The following ADAMTS16 variants were observed in gnomAD, a reference collection of about 807,000 sequenced individuals.
The protein encoded by ADAMTS16 is A disintegrin and metalloproteinase with thrombospondin motifs 16.
A neutral mutation model predicts 145.8 loss-of-function variants in ADAMTS16; 94 were observed. The ratio of observed to expected loss-of-function variants is 0.64; its 90% confidence interval spans 0.55 to 0.77. The LOEUF is 0.77. Among genes scored for constraint, ADAMTS16 ranks in the 30% least tolerant of loss-of-function variants. The probability of loss-of-function intolerance (pLI) is 0.00; values close to 1 mark genes in which losing one functional copy is unlikely to be tolerated. For synonymous variants in ADAMTS16, 659 were observed against 604.3 expected, an observed-to-expected ratio of 1.09 and a Z score of -1.33; for missense variants, 1,585 against 1,591.5, an observed-to-expected ratio of 1.00 and a Z score of 0.07.
At chr5:5,257,895 C>T (rs141730055) in intron 17 of ADAMTS16, among the ~76,000 whole-genome samples, 4 of 152,192 alleles carry the variant, frequency 2.6e-5, no homozygotes, top group Non-Finnish European at 5.9e-5. Flanking sequence ...GGGGTTCCCA[C>T]AGGCTTTCCC....
chr5:5,168,556 TA>T (rs1344576631), intron 3 of ADAMTS16, among the ~76,000 whole-genome samples: 2 of 137,332 alleles, frequency 1.5e-5, no homozygotes, highest in Non-Finnish European at 3.1e-5. Flanking sequence ...ATTATATTTT[TA>T]TTTTTTTATT....
chr5:5,271,469 C>A (rs1043588044), intron 18 of ADAMTS16, among the ~76,000 whole-genome samples: 1 of 152,280 alleles, frequency 6.6e-6, no homozygotes, highest in East Asian at 1.9e-4. Context: ...AAGCAGCCTA[C>A]GGCCCTCCCG....
chr5:5,206,106 T>A (rs1263236664), intron 9 of ADAMTS16, among the ~76,000 whole-genome samples: 2 of 152,138 alleles, frequency 1.3e-5, no homozygotes, highest in Admixed American at 1.3e-4. Context: ...TATGATCCAT[T>A]GTGAGTTAGT....
chr5:5,298,028 C>A (rs577305923), intron 18 of ADAMTS16, among the ~76,000 whole-genome samples: 4 of 152,144 alleles, frequency 2.6e-5, no homozygotes, highest in African/African-American at 9.7e-5. Flanking sequence ...TCCGTTCCCA[C>A]ATGAAAAACC....
At chr5:5,261,092 G>A (rs970060715) in intron 17 of ADAMTS16, among the ~76,000 whole-genome samples, 1 of 152,158 alleles carries the variant, frequency 6.6e-6, no homozygotes, top group African/African-American at 2.4e-5. Context: ...AATATATTGT[G>A]TGTTAATATT....
intron 5 of ADAMTS16, 43 bp from the exon 6 acceptor site, chr5:5,187,682 A>C: frequency 7.1e-7 from 1 of 1,400,548 alleles, no homozygotes; most frequent in Non-Finnish European, 1.0e-6. Context: ...TAGGGGGGAA[A>C]ATGCCATTTA....
intron 3 of ADAMTS16, among the ~76,000 whole-genome samples, chr5:5,153,612 A>C (rs1259962073): frequency 6.6e-6 from 1 of 152,240 alleles, no homozygotes; most frequent in African/African-American, 2.4e-5. Context: ...GTTTTTAACA[A>C]AACTATTTTT....
chr5:5,318,462 T>G (rs1380216134), intron 22 of ADAMTS16, among the ~76,000 whole-genome samples, 181 bp downstream of exon 22: 1 of 152,214 alleles, frequency 6.6e-6, no homozygotes, highest in Non-Finnish European at 1.5e-5. Flanking sequence ...CCTCTCATGA[T>G]GCCCCAGGAC....
At chr5:5,159,890 A>C (rs1734696538) in intron 3 of ADAMTS16, among the ~76,000 whole-genome samples, 1 of 152,244 alleles carries the variant, frequency 6.6e-6, no homozygotes, top group Admixed American at 6.5e-5. Context: ...CAGAATAACC[A>C]GCATTTTGAT....
intron 17 of ADAMTS16, among the ~76,000 whole-genome samples, chr5:5,261,981 T>C (rs1738052509): frequency 6.6e-6 from 1 of 152,200 alleles, no homozygotes; most frequent in Non-Finnish European, 1.5e-5. Flanking sequence ...TCTCAATGAA[T>C]TGACTATTCC....
At chr5:5,168,825 A>C (rs1238549433) in intron 3 of ADAMTS16, among the ~76,000 whole-genome samples, 1 of 148,568 alleles carries the variant, frequency 6.7e-6, no homozygotes, top group South Asian at 2.1e-4. Context: ...TAATTGTTAT[A>C]ATCTTCTTTT....
In ADAMTS16 at chr5:5,232,521, G is replaced by T; in HGVS notation, c.1850+5G>T. 6.2e-7 allele frequency: 1 copy of T among 1,608,602 alleles called. No individual in the cohort carries two copies. Among genetic ancestry groups the T allele is most frequent in the South Asian group, 1.1e-5 (1 of 90,984 alleles). On this transcript the variant is annotated splice_donor_5th_base_variant and intron_variant, in intron 12 of 22. Transcript: ENST00000274181. The stretch of plus-strand genomic sequence containing the variant: ...TCGCCTCTGCACCAACCCCAAGTAA[G>T]TATGCCTTGACCTCCTTCCTCACAA...
At chr5:5,240,099 G>A (rs1207428053) in intron 16 of ADAMTS16, among the ~76,000 whole-genome samples, 174 bp downstream of exon 16, 3 of 152,304 alleles carry the variant, frequency 2.0e-5, no homozygotes, top group East Asian at 3.9e-4. Flanking sequence ...TCACTTTTTG[G>A]TGTATGATTA....
chr5:5,184,528 A>G (rs1001650778), intron 4 of ADAMTS16, among the ~76,000 whole-genome samples: 1 of 152,122 alleles, frequency 6.6e-6, no homozygotes, highest in Admixed American at 6.5e-5. Flanking sequence ...CTTTCCTATT[A>G]GAGTCCCCAG....
chr5:5,171,177 T>C (rs1735033049), intron 3 of ADAMTS16, among the ~76,000 whole-genome samples: 1 of 152,214 alleles, frequency 6.6e-6, no homozygotes, highest in Admixed American at 6.5e-5. Context: ...TGGTGGTGTC[T>C]TTAGATTTTT....
intron 22 of ADAMTS16, among the ~76,000 whole-genome samples, 167 bp from the exon 23 acceptor site, chr5:5,318,856 T>C (rs1472970632): frequency 3.3e-5 from 5 of 152,122 alleles, no homozygotes; most frequent in African/African-American, 1.2e-4. Flanking sequence ...AAGGCTCTTG[T>C]GAAAATAATA....
chr5:5,198,939 C>T (rs1442463970), intron 8 of ADAMTS16, among the ~76,000 whole-genome samples: 1 of 152,194 alleles, frequency 6.6e-6, no homozygotes, highest in African/African-American at 2.4e-5. Context: ...TGCCTTCCCC[C>T]TTTTCTCTGC....
intron 8 of ADAMTS16, among the ~76,000 whole-genome samples, chr5:5,199,249 C>A (rs1168555552): frequency 6.6e-6 from 1 of 152,230 alleles, no homozygotes; most frequent in Middle Eastern, 3.4e-3. Context: ...GTGCACGGCT[C>A]CATTTTCTCA....
At position 5,162,951 on chromosome 5, in the gene ADAMTS16, T is replaced by C. The variant is rs1734781515; in HGVS notation, c.501+16496T>C. ...GCTATCTGGAATTCTGCATTTATTG[T>C]GGACATAACAGCAATAGTTCCAACA... On this transcript the variant is annotated intron_variant, in intron 3 of 22. Coordinates refer to ENST00000274181, the MANE Select transcript of ADAMTS16 (RefSeq NM_139056.4). Among the ~76,000 whole-genome samples the C allele has an allele frequency of 2.6e-5, 4 of 152,170 alleles. No individual in the cohort carries two copies. The South Asian group carries it at 6.2e-4, about 24-fold the overall frequency.
Sources: gnomAD v4.1 joint callset for allele counts (sites outside exome capture counted in the v4.1 genomes callset) on GRCh38, gnomAD v4.1.1 for gene constraint, MANE v1.5 for transcripts, NCBI Gene and HGNC (gene_info 2026-07-23, HGNC 2026-07-21) for gene names.